SUFU: variants seen among roughly 807,000 people sequenced by gnomAD.
SUFU encodes the protein suppressor of fused homolog.
In SUFU, 7 loss-of-function variants were observed where a neutral mutation model predicts 58.9. That is an observed-to-expected ratio of 0.12 (90% confidence interval 0.07 to 0.22). The LOEUF (loss-of-function observed/expected upper bound fraction) is 0.22, where lower values mean the gene tolerates loss of function less well. SUFU is among the 10% of genes least tolerant of loss of function. The pLI, the probability that SUFU is intolerant of heterozygous loss-of-function variation, is 1.00. For synonymous variants in SUFU, 232 were observed against 254.8 expected (o/e 0.91, Z 0.85); for missense variants, 451 against 641.3 (o/e 0.70, Z 3.20).
chr10:102,599,301 GC>G (rs1462625307), intron 7 of SUFU, 131 bp from the exon 8 acceptor site: 4 of 756,534 alleles, frequency 5.3e-6, no homozygotes, highest in African/African-American at 1.7e-5. Context: ...ACATCTGGAT[GC>G]GTAGAGTGGG....
At position 102,573,180 on chromosome 10, in the gene SUFU, C is replaced by A. The variant is rs569521831; in HGVS notation, c.455-19402C>A. 11 of 762,596 alleles carry A rather than the reference C, an allele frequency of 1.4e-5. No homozygotes were observed. The Admixed American group carries it at 1.7e-4, about 12-fold the overall frequency. 47.2% of individuals were successfully genotyped at this position (762,596 alleles called of 1,614,324 possible). ...GCCTTCAAAGCCTTTGCTTTGGCTT[C>A]GGCTTTAGGAGGAGCAGGAGCTTCC... is the stretch of plus-strand genomic sequence containing the variant. On this transcript the variant is annotated intron_variant, in intron 3 of 11. Transcript: ENST00000369902.
chr10:102,509,258 T>A lies in SUFU; in HGVS notation c.272T>A (p.Ile91Asn), dbSNP rs781318691. 2 of 1,614,198 alleles carry A rather than the reference T, an allele frequency of 1.2e-6. No individual in the cohort carries two copies. The highest frequency in any genetic ancestry group is 1.7e-6 in the Non-Finnish European group (2 of 1,180,040). The change falls in exon 2 of 12, where the codon ATC becomes AAC. Residue 91 changes from isoleucine (I) to asparagine (N), a missense_variant. Physicochemically the swap from Ile to Asn is moderately radical, Grantham distance 149. Transcript: ENST00000369902. ...SANIPEHWHY[I>N]SFGLSDLYGD... Reference sequence around the variant, plus strand: ...AACATCCCCGAGCACTGGCACTACATCAGCTTCGGCCTGAGTGATCTCTAT... The same window carrying A: ...AACATCCCCGAGCACTGGCACTACAACAGCTTCGGCCTGAGTGATCTCTAT...
chr10:102,524,903 C>T (rs74984643), intron 2 of SUFU, among the ~76,000 whole-genome samples: 2,071 of 152,250 alleles, frequency 0.014, 25 homozygotes, highest in Middle Eastern at 0.031. Flanking sequence ...GAAAAATATT[C>T]TCACCACTGG....
Position 102,504,132 on chromosome 10 carries a change from G to C in SUFU, c.-21G>C, listed in dbSNP as rs1209844498. 1 of 1,533,470 alleles carries C rather than the reference G, an allele frequency of 6.5e-7. No homozygotes were observed. The highest frequency in any genetic ancestry group is 1.2e-5 in the South Asian group (1 of 83,440). 95.0% of individuals were successfully genotyped at this position (1,533,470 alleles called of 1,614,324 possible). A position where few individuals can be genotyped will look rare whatever the true frequency, so the allele number is the denominator to read the frequency against. ...TCGTTTGCCCTCTCCAGTTCCCCCA[G>C]TGCCTGCCCTACGCACCCCGATGGC... On this transcript the variant is annotated 5_prime_UTR_variant, in exon 1 of 12. Transcript: ENST00000369902.
upstream of SUFU, chr10:102,503,950 C>G: frequency 1.5e-6 from 1 of 671,678 alleles, no homozygotes; most frequent in East Asian, 3.4e-5. Flanking sequence ...TAGCGCCCCG[C>G]CGCCCCGAGG....
At chr10:102,540,620 C>T (rs2062786710) in intron 2 of SUFU, among the ~76,000 whole-genome samples, 1 of 151,896 alleles carries the variant, frequency 6.6e-6, no homozygotes, top group Non-Finnish European at 1.5e-5. Flanking sequence ...CACTGCACTC[C>T]AGCCTGGGCA....
Position 102,630,404 on chromosome 10 carries a change from G to A in SUFU, c.*249G>A, listed in dbSNP as rs1486378719. On this transcript the variant is annotated 3_prime_UTR_variant, in exon 12 of 12. Transcript: ENST00000369902. The stretch of plus-strand genomic sequence containing the variant: ...CCATCAGGCCAGTGAGTGGGCAAAT[G>A]CGGACCCTCCCTGCCTGCAGCCTGC... 8 of 554,386 alleles carry A rather than the reference G, an allele frequency of 1.4e-5. No homozygotes were observed. Among genetic ancestry groups the A allele is most frequent in the Admixed American group, 3.0e-5 (1 of 32,954 alleles). 34.3% of individuals were successfully genotyped at this position (554,386 alleles called of 1,614,324 possible).
chr10:102,597,374 G>A, intron 7 of SUFU, 81 bp downstream of exon 7: 4 of 1,509,842 alleles, frequency 2.6e-6, no homozygotes, highest in Non-Finnish European at 3.6e-6. Flanking sequence ...TCTAGGATGG[G>A]TCTCTAACAA....
chr10:102,532,992 G>T (rs1409186510), intron 2 of SUFU, among the ~76,000 whole-genome samples: 1 of 152,186 alleles, frequency 6.6e-6, no homozygotes, highest in Non-Finnish European at 1.5e-5. Flanking sequence ...GAAGGATGCA[G>T]AAGGCTAACG....
rs935752591 is a variant in SUFU, at chr10:102,625,667, C to G, written c.1297-1508C>G. Among the ~76,000 whole-genome samples, 3 of 152,188 alleles carry G rather than the reference C, an allele frequency of 2.0e-5. No individual in the cohort carries two copies. The highest frequency in any genetic ancestry group is 1.3e-4 in the Admixed American group (2 of 15,284). On this transcript the variant is annotated intron_variant, in intron 10 of 11. Coordinates refer to ENST00000369902, the MANE Select transcript of SUFU (RefSeq NM_016169.4). The surrounding 1 kb of genome is among the most constrained non-coding windows in gnomAD (Gnocchi z 4.7). ...TGTGACACTGAGCAAATTACATAACCTGCCTGTGCCTGTTTCCTCCACTGT... is the reference window on the plus strand; with the variant it reads ...TGTGACACTGAGCAAATTACATAACGTGCCTGTGCCTGTTTCCTCCACTGT...
intron 4 of SUFU, 65 bp from the exon 5 acceptor site, chr10:102,593,571 A>T: frequency 1.3e-6 from 2 of 1,528,656 alleles, no homozygotes; most frequent in Non-Finnish European, 1.8e-6. Flanking sequence ...GAGCCTGGGT[A>T]GCTGACCTTC....
chr10:102,606,434 C>T (rs563795541), intron 8 of SUFU, among the ~76,000 whole-genome samples: 1 of 152,256 alleles, frequency 6.6e-6, no homozygotes, highest in East Asian at 1.9e-4. Flanking sequence ...CCAGGCCTTG[C>T]GTCGTGGGAT....
At chr10:102,521,688 A>T (rs549723311) in intron 2 of SUFU, among the ~76,000 whole-genome samples, 2 of 152,318 alleles carry the variant, frequency 1.3e-5, no homozygotes, top group East Asian at 3.9e-4. Flanking sequence ...TTTGATGAGA[A>T]ATGCATATAC....
chr10:102,580,321 C>T (rs974712627), intron 3 of SUFU, among the ~76,000 whole-genome samples: 7 of 152,138 alleles, frequency 4.6e-5, no homozygotes, highest in Admixed American at 1.3e-4. Context: ...AGGGGAATTA[C>T]GCAGGATGTG....
intron 2 of SUFU, among the ~76,000 whole-genome samples, chr10:102,524,893 G>C (rs2062592709): frequency 6.6e-6 from 1 of 152,098 alleles, no homozygotes; most frequent in African/African-American, 2.4e-5. Flanking sequence ...CCGACTGTTG[G>C]AAAAATATTC....
chr10:102,568,376 A>G (rs2063114746), intron 3 of SUFU, among the ~76,000 whole-genome samples: 1 of 152,208 alleles, frequency 6.6e-6, no homozygotes, highest in Non-Finnish European at 1.5e-5. Flanking sequence ...ACTCTCTTAT[A>G]ATAAGCCTAT....
intron 3 of SUFU, among the ~76,000 whole-genome samples, chr10:102,573,998 A>G (rs1011627854): frequency 1.3e-5 from 2 of 152,214 alleles, no homozygotes; most frequent in African/African-American, 4.8e-5. Context: ...TACTACAACT[A>G]AAACTGAAAA....
At chr10:102,514,480 TAAG>T (rs1438950987) in intron 2 of SUFU, among the ~76,000 whole-genome samples, 2 of 152,236 alleles carry the variant, frequency 1.3e-5, no homozygotes, top group African/African-American at 4.8e-5. Flanking sequence ...TCAAGATTCT[TAAG>T]AAGCCATTTC....
At chr10:102,551,843 G>T (rs994910941) in intron 3 of SUFU, among the ~76,000 whole-genome samples, 1 of 144,428 alleles carries the variant, frequency 6.9e-6, no homozygotes, top group Non-Finnish European at 1.5e-5. Context: ...TCCTGCTTGA[G>T]CCTCCCGAGT....
Sources: gnomAD v4.1 joint callset for allele counts (sites outside exome capture counted in the v4.1 genomes callset) on GRCh38, gnomAD v4.1.1 for gene constraint, Gnocchi (gnomAD v3.1) non-coding constraint, MANE v1.5 for transcripts, NCBI Gene and HGNC (gene_info 2026-07-23, HGNC 2026-07-21) for gene names.